The following ALDH1A1 variants were observed in gnomAD, a reference collection of about 807,000 sequenced individuals.
ALDH1A1 encodes aldehyde dehydrogenase 1A1.
Under a neutral mutation model 62.1 loss-of-function variants are expected in ALDH1A1, and 19 were observed. That is an observed-to-expected ratio of 0.31 (90% CI 0.21 to 0.45). The LOEUF (loss-of-function observed/expected upper bound fraction) is 0.45. Among genes scored for constraint, ALDH1A1 ranks in the 20% least tolerant of loss-of-function variants. ALDH1A1 has a pLI of 1.00. For missense variants in ALDH1A1, 521 were observed against 607.1 expected (o/e 0.86, Z 1.49); for synonymous variants, 231 against 215.9 (o/e 1.07, Z -0.61).
intron 2 of ALDH1A1, among the ~76,000 whole-genome samples, chr9:72,936,580 A>C (rs1480724904): frequency 6.6e-6 from 1 of 152,082 alleles, no homozygotes; most frequent in Non-Finnish European, 1.5e-5. Flanking sequence ...TGGTGTGTGG[A>C]TCTCCTGAAG....
intron 1 of ALDH1A1, among the ~76,000 whole-genome samples, chr9:72,945,613 T>C (rs1476635593): frequency 1.3e-5 from 2 of 151,910 alleles, no homozygotes; most frequent in Non-Finnish European, 2.9e-5. Flanking sequence ...CTTAGGAACC[T>C]ACCAAAGTAC....
intron 1 of ALDH1A1, among the ~76,000 whole-genome samples, chr9:72,949,840 A>T (rs1016006644): frequency 4.8e-5 from 2 of 41,488 alleles, no homozygotes; most frequent in South Asian, 9.9e-4. Flanking sequence ...TCCCTTTTAT[A>T]AAAAAAAAAA....
intron 9 of ALDH1A1, among the ~76,000 whole-genome samples, chr9:72,916,137 G>GT (rs1470893642): frequency 2.0e-5 from 3 of 152,104 alleles, no homozygotes; most frequent in Non-Finnish European, 2.9e-5. Context: ...TCTCACCAAG[G>GT]TAGTGACAAC....
At chr9:72,942,470 T>C in intron 1 of ALDH1A1, 2 of 729,492 alleles carry the variant, frequency 2.7e-6, no homozygotes, top group Non-Finnish European at 3.4e-6. Context: ...TATACAAGTA[T>C]AAAAAAGCTT....
intron 12 of ALDH1A1, among the ~76,000 whole-genome samples, chr9:72,903,906 C>A (rs1030577377): frequency 1.3e-5 from 2 of 151,968 alleles, no homozygotes; most frequent in African/African-American, 4.8e-5. Flanking sequence ...GTAATCTAAC[C>A]TTTGTTCTTA....
intron 1 of ALDH1A1, among the ~76,000 whole-genome samples, chr9:72,947,748 A>T (rs1830491946): frequency 6.6e-6 from 1 of 151,916 alleles, no homozygotes; most frequent in Admixed American, 6.6e-5. Flanking sequence ...CTACTTTTGC[A>T]TTTTAAGAGC....
chr9:72,934,630 T>C (rs886072899), intron 2 of ALDH1A1, among the ~76,000 whole-genome samples: 1 of 152,172 alleles, frequency 6.6e-6, no homozygotes, highest in African/African-American at 2.4e-5. Flanking sequence ...TTCTAAATCC[T>C]ATATATACTT....
At chr9:72,901,471 TG>T (rs1829802666) in intron 12 of ALDH1A1, among the ~76,000 whole-genome samples, 191 bp from the exon 13 acceptor site, 1 of 152,106 alleles carries the variant, frequency 6.6e-6, no homozygotes, top group South Asian at 2.1e-4. Context: ...GATTCCCTTG[TG>T]GGGAAAATTT....
intron 1 of ALDH1A1, among the ~76,000 whole-genome samples, chr9:72,947,457 A>T (rs1384153193): frequency 6.6e-6 from 1 of 152,034 alleles, no homozygotes; most frequent in Non-Finnish European, 1.5e-5. Flanking sequence ...TGTTAAGAAC[A>T]CAGAATCTCA....
rs983251785 is a variant in ALDH1A1, at chr9:72,924,251, T to C, written c.634-119A>G. 83 of 627,040 alleles carry C rather than the reference T, an allele frequency of 1.3e-4. 1 individual carries two copies. In the Middle Eastern group the frequency reaches 1.5e-3, roughly 11 times the overall value. 38.8% of individuals were successfully genotyped at this position (627,040 alleles called of 1,614,324 possible). On this transcript the variant is annotated intron_variant, in intron 6 of 12. Coordinates refer to ENST00000297785, the MANE Select transcript of ALDH1A1 (RefSeq NM_000689.5). ...ATGAGATGCTCTAGAAAAAAATAAT[T>C]CACCCAACTGGCTCTATTCTTTAGT...
intron 8 of ALDH1A1, 97 bp from the exon 9 acceptor site, chr9:72,917,201 G>T: frequency 9.9e-7 from 1 of 1,010,622 alleles, no homozygotes; most frequent in Non-Finnish European, 1.3e-6. Context: ...AAAATTATGA[G>T]TTGTGTAGTC....
Position 72,930,941 on chromosome 9 carries a change from C to T in ALDH1A1, c.250G>A (p.Glu84Lys). ...AACTTGTATAATAGTCGCCCCCTCTCGGAAGCATCCATAGTACGCCACGGG... is the reference window on the plus strand; with the variant it reads ...AACTTGTATAATAGTCGCCCCCTCTTGGAAGCATCCATAGTACGCCACGGG... Reference protein sequence around the residue: ...GSPWRTMDASERGRLLYKLAD... With the variant: ...GSPWRTMDASKRGRLLYKLAD... The change falls in exon 3 of 13, where the codon GAG becomes AAG. Residue 84 changes from glutamate (E) to lysine (K), a missense_variant. Glu to Lys is a moderately conservative substitution (Grantham distance 56, BLOSUM62 1). Coordinates refer to ENST00000297785, the MANE Select transcript of ALDH1A1 (RefSeq NM_000689.5). 1 of 1,614,048 alleles carries T rather than the reference C, an allele frequency of 6.2e-7. No individual in the cohort carries two copies. Among genetic ancestry groups the T allele is most frequent in the Non-Finnish European group, 8.5e-7 (1 of 1,179,958 alleles).
intron 2 of ALDH1A1, among the ~76,000 whole-genome samples, chr9:72,937,719 C>G (rs576920989): frequency 5.3e-5 from 8 of 152,194 alleles, no homozygotes; most frequent in African/African-American, 1.9e-4. Flanking sequence ...TAAGTTAATG[C>G]GGTGGCCTGG....
At chr9:72,939,486 T>C (rs892153749) in intron 2 of ALDH1A1, among the ~76,000 whole-genome samples, 3 of 152,108 alleles carry the variant, frequency 2.0e-5, no homozygotes, top group African/African-American at 4.8e-5. Context: ...AACTTTTAGT[T>C]TTATCTAGCA....
chr9:72,927,310 C>A, intron 4 of ALDH1A1, 133 bp from the exon 5 acceptor site: 2 of 557,164 alleles, frequency 3.6e-6, no homozygotes, highest in Non-Finnish European at 6.2e-6. Context: ...TGGTGGCTCA[C>A]GCCTGTAATC....
At chr9:72,930,058 T>C (rs1267697009) in intron 3 of ALDH1A1, among the ~76,000 whole-genome samples, 2 of 152,202 alleles carry the variant, frequency 1.3e-5, no homozygotes, top group African/African-American at 4.8e-5. Flanking sequence ...CATGCTAATG[T>C]TGATTTTTTA....
intron 2 of ALDH1A1, among the ~76,000 whole-genome samples, chr9:72,933,219 T>A (rs1564636995): frequency 6.6e-6 from 1 of 152,170 alleles, no homozygotes; most frequent in African/African-American, 2.4e-5. Context: ...TTCATCCCTC[T>A]AGCTAAAGGT....
intron 1 of ALDH1A1, among the ~76,000 whole-genome samples, chr9:72,943,913 C>T (rs1424060123): frequency 1.3e-5 from 2 of 151,414 alleles, no homozygotes; most frequent in East Asian, 1.9e-4. Flanking sequence ...TGAAAGAATG[C>T]TTCTTTGAAG....
intron 1 of ALDH1A1, 99 bp from the exon 2 acceptor site, chr9:72,940,351 A>G (rs1282654715): frequency 2.0e-5 from 16 of 813,402 alleles, no homozygotes; most frequent in South Asian, 1.9e-4. Flanking sequence ...CCATGCCTAA[A>G]TGATGCACAT....
Sources: allele counts gnomAD v4.1 joint callset (sites outside exome capture counted in the v4.1 genomes callset), GRCh38; gene constraint gnomAD v4.1.1; transcripts MANE v1.5; gene names NCBI Gene and HGNC (gene_info 2026-07-23, HGNC 2026-07-21).